Variants in GSTZ1 observed in about 807,000 individuals in gnomAD.
The protein encoded by GSTZ1 is maleylacetoacetate isomerase.
A neutral mutation model predicts 35.9 loss-of-function variants in GSTZ1; 34 were observed. The ratio of observed to expected loss-of-function variants is 0.95; its 90% CI spans 0.72 to 1.26. The LOEUF (loss-of-function observed/expected upper bound fraction) is 1.26. Ranked by LOEUF, GSTZ1 falls within the 50% of genes most tolerant of loss-of-function variation. GSTZ1 has a pLI of 0.00. For missense variants in GSTZ1, 263 were observed against 271.7 expected, an observed-to-expected ratio of 0.97 and a Z score of 0.23; for synonymous variants, 93 against 101.2, an observed-to-expected ratio of 0.92 and a Z score of 0.49.
At chr14:77,322,767 G>A in intron 1 of GSTZ1, 1 of 964,938 alleles carries the variant, frequency 1.0e-6, no homozygotes. Context: ...GCTGGGCTTG[G>A]GAACCATCTT....
At chr14:77,321,547 C>T (rs1891978299) in intron 1 of GSTZ1, 6 of 1,275,290 alleles carry the variant, frequency 4.7e-6, no homozygotes, top group Non-Finnish European at 6.0e-6. Context: ...ATGCTCTTCT[C>T]TTGGCCCTAG....
rs950444252 is a variant in GSTZ1, at chr14:77,328,204, A to G, written c.342+167A>G. ...AGAAGGGGGTGAAGATCGCAATCTC[A>G]GAATTCAGCCCCCCAGCGGGTCCCC... On this transcript the variant is annotated intron_variant, in intron 5 of 8. Transcript: ENST00000216465. 20 of 694,110 alleles carry G rather than the reference A, an allele frequency of 2.9e-5. 1 individual carries two copies. Among genetic ancestry groups the G allele is most frequent in the Admixed American group, 1.4e-4 (5 of 36,244 alleles). 43.0% of individuals were successfully genotyped at this position (694,110 alleles called of 1,614,324 possible).
chr14:77,321,395 G>A, intron 1 of GSTZ1: 1 of 1,529,756 alleles, frequency 6.5e-7, no homozygotes, highest in Non-Finnish European at 8.7e-7. Context: ...GGCGGTCCTG[G>A]TAGGGAGTGC....
chr14:77,324,354 C>T (rs1403447808), intron 1 of GSTZ1: 8 of 534,722 alleles, frequency 1.5e-5, no homozygotes, highest in African/African-American at 3.8e-5. Context: ...ACCATGTTGG[C>T]CAGGCTGGTC....
At chr14:77,325,892 T>C (rs1462964671) in intron 2 of GSTZ1, 2 of 152,220 alleles carry the variant, frequency 1.3e-5, no homozygotes, top group Non-Finnish European at 2.9e-5. Context: ...CGGAGCAATA[T>C]AGGTGCTGTC....
rs886089919 is a variant in GSTZ1 at position 77,331,505 on chromosome 14, G to C, written c.*310G>C. ...TCACCGTAACACCACGGGGAAGGCT[G>C]TGTGCCTTTTCTCATCCGCTTTTGT... On this transcript the variant is annotated 3_prime_UTR_variant, in exon 9 of 9. Coordinates refer to ENST00000216465, the MANE Select transcript of GSTZ1 (RefSeq NM_145870.3). The C allele has an allele frequency of 3.4e-6, 1 of 291,884 alleles. No homozygotes were observed. Among genetic ancestry groups the C allele is most frequent in the Non-Finnish European group, 6.5e-6 (1 of 154,202 alleles). The allele number at this position is 291,884 out of a possible 1,614,324, so 18.1% of individuals were successfully genotyped here. A position where few individuals can be genotyped will look rare whatever the true frequency, so the allele number is the denominator to read the frequency against.
intron 1 of GSTZ1, chr14:77,324,359 C>A (rs1347784491): frequency 2.0e-5 from 11 of 546,048 alleles, no homozygotes; most frequent in South Asian, 6.2e-5. Flanking sequence ...GTTGGCCAGG[C>A]TGGTCTCAAA....
chr14:77,321,263 A>C (rs751404087), intron 1 of GSTZ1, 80 bp downstream of exon 1: 1 of 1,523,930 alleles, frequency 6.6e-7, no homozygotes, highest in Non-Finnish European at 8.9e-7. Context: ...AGTGAGCTGC[A>C]CCGCCCGCCC....
At chr14:77,330,564 C>T (rs1243176024) in intron 8 of GSTZ1, among the ~76,000 whole-genome samples, 2 of 152,184 alleles carry the variant, frequency 1.3e-5, no homozygotes, top group African/African-American at 2.4e-5. Flanking sequence ...CCCAGATGAA[C>T]CTGTATAGAT....
chr14:77,324,152 CTT>C (rs11287763), intron 1 of GSTZ1: 266 of 117,892 alleles, frequency 2.3e-3, no homozygotes, highest in East Asian at 0.015. Flanking sequence ...AAAAAAATGC[CTT>C]TTTTTTTTTT....
chr14:77,325,224 C>T, intron 2 of GSTZ1: 1 of 370,254 alleles, frequency 2.7e-6, no homozygotes. Context: ...ATCCACATGC[C>T]CCTGGTAACT....
intron 1 of GSTZ1, among the ~76,000 whole-genome samples, chr14:77,321,749 A>G (rs1269993268): frequency 1.3e-5 from 2 of 152,062 alleles, no homozygotes; most frequent in Non-Finnish European, 2.9e-5. Flanking sequence ...CAGGCGTGGT[A>G]GCGGGCGCCT....
At chr14:77,324,268 G>A (rs903354654) in intron 1 of GSTZ1, 1 of 347,114 alleles carries the variant, frequency 2.9e-6, no homozygotes, top group South Asian at 2.9e-5. Context: ...TCAACCTCCT[G>A]AGTAGCTGAG....
chr14:77,327,801 A>C (rs1463520201), intron 4 of GSTZ1, 111 bp from the exon 5 acceptor site: 8 of 1,035,396 alleles, frequency 7.7e-6, no homozygotes, highest in Non-Finnish European at 1.2e-5. Flanking sequence ...GCAGGGGGGA[A>C]GAGGTGTAGT....
chr14:77,327,852 G>A, intron 4 of GSTZ1, 60 bp from the exon 5 acceptor site: 2 of 1,570,250 alleles, frequency 1.3e-6, no homozygotes, highest in Admixed American at 1.7e-5. Context: ...TGCTGGCCCT[G>A]TCCCCTCTGG....
At chr14:77,329,250 T>G in intron 6 of GSTZ1, 49 bp downstream of exon 6, 1 of 1,208,378 alleles carries the variant, frequency 8.3e-7, no homozygotes, top group South Asian at 1.2e-5. Context: ...CTTAGAGGTA[T>G]GGCCCTCGCA....
Position 77,329,110 on chromosome 14 carries a change from T to C in GSTZ1, c.343-13T>C. 1 of 1,600,304 alleles carries C rather than the reference T, an allele frequency of 6.2e-7. No individual in the cohort carries two copies. Among genetic ancestry groups the C allele is most frequent in the Middle Eastern group, 1.7e-4 (1 of 6,036 alleles). On this transcript the variant is annotated splice_polypyrimidine_tract_variant and intron_variant, in intron 5 of 8. Transcript: ENST00000216465. ...CTGTCAGCGCAATCACAGATTTTCT[T>C]TGGGCTGCACAGAACCTGTCTGTCC...
At chr14:77,324,546 T>A in intron 1 of GSTZ1, 1 of 1,503,000 alleles carries the variant, frequency 6.7e-7, no homozygotes, top group Non-Finnish European at 9.0e-7. Context: ...TTCCTTTCCC[T>A]GCTCAGAAGC....
chr14:77,329,051 G>A (rs1156623507), intron 5 of GSTZ1, 72 bp from the exon 6 acceptor site: 12 of 1,060,322 alleles, frequency 1.1e-5, no homozygotes, highest in South Asian at 8.7e-5. Flanking sequence ...GAACTTCCCT[G>A]AGGGGGTTTG....
Sources: gnomAD v4.1 joint callset for allele counts (sites outside exome capture counted in the v4.1 genomes callset) on GRCh38, gnomAD v4.1.1 for gene constraint, MANE v1.5 for transcripts, NCBI Gene and HGNC (gene_info 2026-07-23, HGNC 2026-07-21) for gene names.